The following TSPAN2 variants were observed in gnomAD, a reference collection of about 807,000 sequenced individuals.
The protein encoded by TSPAN2 is tetraspanin-2.
A neutral mutation model predicts 33.3 loss-of-function variants in TSPAN2; 24 were observed. The ratio of observed to expected loss-of-function variants is 0.72; its 90% CI spans 0.52 to 1.01. The LOEUF (loss-of-function observed/expected upper bound fraction) is 1.01, where lower values mean the gene tolerates loss of function less well. TSPAN2 is among the 50% of genes least tolerant of loss of function. The pLI is 0.00. For synonymous variants in TSPAN2, 114 were observed against 104.5 expected, an observed-to-expected ratio of 1.09 and a Z score of -0.56; for missense variants, 278 against 281.3, an observed-to-expected ratio of 0.99 and a Z score of 0.08.
At chr1:115,074,826 G>A (rs759782838) in intron 1 of TSPAN2, among the ~76,000 whole-genome samples, 2 of 152,170 alleles carry the variant, frequency 1.3e-5, no homozygotes, top group African/African-American at 2.4e-5. Flanking sequence ...GGTCCTTGCT[G>A]TTCCTGTGTA....
intron 6 of TSPAN2, 51 bp from the exon 7 acceptor site, chr1:115,053,513 CATTATCCTG>C (rs765329767): frequency 6.9e-7 from 1 of 1,454,712 alleles, no homozygotes; most frequent in South Asian, 1.2e-5. Context: ...ATGTGTCAGT[CATTATCCTG>C]ATCCTATCCT....
chr1:115,083,310 A>C (rs1273759805), intron 1 of TSPAN2, among the ~76,000 whole-genome samples: 2 of 152,240 alleles, frequency 1.3e-5, no homozygotes, highest in African/African-American at 4.8e-5. Flanking sequence ...CTGATGTTCT[A>C]GAACAACAAG....
At chr1:115,052,056 T>A (rs1675330205) in intron 7 of TSPAN2, among the ~76,000 whole-genome samples, 1 of 152,174 alleles carries the variant, frequency 6.6e-6, no homozygotes, top group Non-Finnish European at 1.5e-5. Flanking sequence ...AGGCTGCTCA[T>A]TTGCTGAGAT....
At chr1:115,075,685 C>A (rs1369787016) in intron 1 of TSPAN2, among the ~76,000 whole-genome samples, 1 of 152,082 alleles carries the variant, frequency 6.6e-6, no homozygotes, top group African/African-American at 2.4e-5. Context: ...ATGGTCTCCC[C>A]AAAGACCTGA....
intron 4 of TSPAN2, among the ~76,000 whole-genome samples, chr1:115,060,160 T>A (rs1420678165): frequency 6.6e-6 from 1 of 152,168 alleles, no homozygotes; most frequent in Non-Finnish European, 1.5e-5. Context: ...GTACTCTAAC[T>A]GTTACCCCAT....
At chr1:115,089,281 G>C in intron 1 of TSPAN2, 83 bp downstream of exon 1, 1 of 1,268,776 alleles carries the variant, frequency 7.9e-7, no homozygotes. Context: ...CTCGGACGCC[G>C]CAGTCAGCAG....
chr1:115,053,316 A>G, intron 7 of TSPAN2, 63 bp downstream of exon 7: 1 of 1,438,038 alleles, frequency 7.0e-7, no homozygotes, highest in Non-Finnish European at 9.8e-7. Flanking sequence ...TTGAAAAGAA[A>G]TAAGATGCAA....
intron 1 of TSPAN2, among the ~76,000 whole-genome samples, chr1:115,083,553 A>C (rs926526444): frequency 9.2e-5 from 14 of 152,190 alleles, no homozygotes; most frequent in African/African-American, 3.1e-4. Flanking sequence ...AGGGGTTCTC[A>C]AAGCATGTTC....
chr1:115,080,650 G>T (rs7525027), intron 1 of TSPAN2, among the ~76,000 whole-genome samples: 1,628 of 152,310 alleles, frequency 0.011, 30 homozygotes, highest in African/African-American at 0.037. Flanking sequence ...GGAGCAGATG[G>T]CTTTCTCAAA....
intron 1 of TSPAN2, 25 bp downstream of exon 1, chr1:115,089,339 C>A (rs1648966192): frequency 1.9e-6 from 3 of 1,555,262 alleles, no homozygotes; most frequent in Non-Finnish European, 2.6e-6. Context: ...CTGCCCTGAC[C>A]GGCCCTCCCG....
In TSPAN2 at chr1:115,060,578, C is replaced by A. The variant is rs78889596; in HGVS notation, c.271-40G>T. 5.8e-4 allele frequency: 873 copies of A among 1,511,248 alleles called. 4 individuals carry two copies. In the African/African-American group the frequency reaches 0.011, roughly 19 times the overall value. 93.6% of individuals were successfully genotyped at this position (1,511,248 alleles called of 1,614,324 possible). A position where few individuals can be genotyped will look rare whatever the true frequency, so the allele number is the denominator to read the frequency against. On this transcript the variant is annotated intron_variant, in intron 3 of 7. Coordinates refer to ENST00000369516, the MANE Select transcript of TSPAN2 (RefSeq NM_005725.6). The stretch of plus-strand genomic sequence containing the variant: ...AAATACTAATTTCATTAATTTAATA[C>A]CTTTTCAATTTATATATTTTGCACC...
chr1:115,074,104 A>G (rs1365151416), intron 1 of TSPAN2, among the ~76,000 whole-genome samples: 2 of 152,158 alleles, frequency 1.3e-5, no homozygotes, highest in Non-Finnish European at 2.9e-5. Flanking sequence ...CTACCACTAA[A>G]TGAACAATTT....
intron 7 of TSPAN2, among the ~76,000 whole-genome samples, chr1:115,051,215 C>T (rs77274876): frequency 2.0e-5 from 3 of 151,688 alleles, no homozygotes; most frequent in Non-Finnish European, 2.9e-5. Flanking sequence ...CAAGCTGAGG[C>T]GGGAGGATTA....
intron 2 of TSPAN2, among the ~76,000 whole-genome samples, chr1:115,072,540 G>A (rs1648222567): frequency 6.6e-6 from 1 of 152,142 alleles, no homozygotes; most frequent in African/African-American, 2.4e-5. Flanking sequence ...TTTACTCCAG[G>A]GGCAATAGGG....
At chr1:115,077,345 A>G (rs1400245781) in intron 1 of TSPAN2, among the ~76,000 whole-genome samples, 10 of 148,878 alleles carry the variant, frequency 6.7e-5, no homozygotes, top group Non-Finnish European at 1.5e-4. Context: ...AAAAAAAAAA[A>G]GAAGATAAGA....
chr1:115,067,136 T>C (rs2101034072), intron 2 of TSPAN2, among the ~76,000 whole-genome samples: 1 of 152,334 alleles, frequency 6.6e-6, no homozygotes, highest in African/African-American at 2.4e-5. Context: ...GGGGAAAAAT[T>C]GGAACTGAAC....
chr1:115,067,868 G>T (rs1648010152), intron 2 of TSPAN2, among the ~76,000 whole-genome samples: 1 of 152,204 alleles, frequency 6.6e-6, no homozygotes, highest in Non-Finnish European at 1.5e-5. Flanking sequence ...TCCCTACTCT[G>T]TAACTCTAGA....
chr1:115,087,874 A>G (rs1261918090), intron 1 of TSPAN2, among the ~76,000 whole-genome samples: 1 of 152,214 alleles, frequency 6.6e-6, no homozygotes, highest in African/African-American at 2.4e-5. Flanking sequence ...AGGCTGGTAC[A>G]ATATCAGCCA....
At chr1:115,088,867 C>T (rs1482031668) in intron 1 of TSPAN2, among the ~76,000 whole-genome samples, 3 of 152,180 alleles carry the variant, frequency 2.0e-5, no homozygotes, top group Non-Finnish European at 4.4e-5. Flanking sequence ...ACAAAACCAT[C>T]ACAGCCAGGT....
Sources: allele counts gnomAD v4.1 joint callset (sites outside exome capture counted in the v4.1 genomes callset), GRCh38; gene constraint gnomAD v4.1.1; transcripts MANE v1.5; gene names NCBI Gene and HGNC (gene_info 2026-07-23, HGNC 2026-07-21).